PRKCE: variants seen among roughly 807,000 people sequenced by gnomAD.
PRKCE encodes the protein protein kinase C epsilon.
A neutral mutation model predicts 85.4 loss-of-function variants in PRKCE; 16 were observed. The observed-to-expected ratio is 0.19, with a 90% CI of 0.13 to 0.28. The LOEUF (loss-of-function observed/expected upper bound fraction) is 0.28, where lower values mean the gene tolerates loss of function less well. Ranked by LOEUF, PRKCE falls within the 10% of genes least tolerant of loss-of-function variation. The pLI is 1.00. For missense variants in PRKCE, 573 were observed against 975.2 expected, an observed-to-expected ratio of 0.59 and a Z score of 5.49; for synonymous variants, 388 against 371.5, an observed-to-expected ratio of 1.04 and a Z score of -0.51.
Position 46,111,735 on chromosome 2 carries a change from A to G in PRKCE, c.1592+25373A>G, listed in dbSNP as rs144663527. Among the ~76,000 whole-genome samples the G allele has an allele frequency of 3.6e-3, 554 of 152,306 alleles. 6 individuals are homozygous for G. The highest frequency in any genetic ancestry group is 0.017 in the Middle Eastern group (5 of 294). On this transcript the variant is annotated intron_variant, in intron 11 of 14. Transcript: ENST00000306156. Reference sequence around the variant, plus strand: ...CATTTTGTTTATTCACTCTCAGTTGATGGACACTTAGGTTGTTTCCACCTG... The same window carrying G: ...CATTTTGTTTATTCACTCTCAGTTGGTGGACACTTAGGTTGTTTCCACCTG...
At chr2:45,815,505 C>G (rs1304641423) in intron 1 of PRKCE, among the ~76,000 whole-genome samples, 1 of 152,160 alleles carries the variant, frequency 6.6e-6, no homozygotes, top group Non-Finnish European at 1.5e-5. Flanking sequence ...TCCCTAGGTG[C>G]TTTGTCTTTT....
intron 10 of PRKCE, among the ~76,000 whole-genome samples, chr2:46,057,623 G>C (rs536931041): frequency 9.2e-5 from 14 of 152,082 alleles, no homozygotes; most frequent in African/African-American, 3.4e-4. Flanking sequence ...TAGTAGACAC[G>C]GGGTTTCGCC....
chr2:46,001,471 A>G lies in PRKCE; in HGVS notation c.891A>G (p.Arg297=). ...CTCCCAACTGTGGAGTGGATGCCAG[A>G]GGAATCGCCAAAGTACTGGCCGACC... ...NVAPNCGVDA[R]GIAKVLADLG... Residue 297 remains arginine (R), a synonymous_variant, in exon 7 of 15, where the codon AGA becomes AGG. Transcript: ENST00000306156. This position sits in a 1 kb window ranked among gnomAD's most constrained non-coding sequence, Gnocchi z 4.4. 1 of 1,599,568 alleles carries G rather than the reference A, an allele frequency of 6.3e-7. No homozygotes were observed. The highest frequency in any genetic ancestry group is 1.3e-5 in the African/African-American group (1 of 75,006).
chr2:46,036,273 C>T (rs1191310130), intron 10 of PRKCE, among the ~76,000 whole-genome samples: 1 of 152,042 alleles, frequency 6.6e-6, no homozygotes, highest in Non-Finnish European at 1.5e-5. Flanking sequence ...CCTGACCATT[C>T]TAGAAAAGAA....
chr2:45,721,143 G>A (rs1400375842), intron 1 of PRKCE, among the ~76,000 whole-genome samples: 1 of 152,048 alleles, frequency 6.6e-6, no homozygotes, highest in Non-Finnish European at 1.5e-5. Context: ...TGAGCTAGGT[G>A]CTGTCGGAAG....
At chr2:45,853,186 G>A (rs1039553616) in intron 2 of PRKCE, among the ~76,000 whole-genome samples, 3 of 152,166 alleles carry the variant, frequency 2.0e-5, no homozygotes, top group African/African-American at 7.2e-5. Flanking sequence ...TATGGGGAAA[G>A]GAGTTGAGAA....
chr2:45,694,259 A>G (rs1209998040), intron 1 of PRKCE, among the ~76,000 whole-genome samples: 3 of 151,604 alleles, frequency 2.0e-5, no homozygotes, highest in African/African-American at 7.3e-5. Context: ...TAGGAGCCTG[A>G]GCTGGAAATA....
At chr2:45,732,814 A>C (rs1017498545) in intron 1 of PRKCE, among the ~76,000 whole-genome samples, 10 of 152,328 alleles carry the variant, frequency 6.6e-5, no homozygotes, top group African/African-American at 2.4e-4. Flanking sequence ...ACAACAAAAA[A>C]CCGACATGAG....
chr2:46,003,075 G>A (rs1375253392), intron 7 of PRKCE, among the ~76,000 whole-genome samples: 1 of 152,162 alleles, frequency 6.6e-6, no homozygotes, highest in Non-Finnish European at 1.5e-5. Context: ...GAAGGCTGAG[G>A]GACTGTAGTC....
chr2:46,069,108 A>C (rs989939067), intron 10 of PRKCE, among the ~76,000 whole-genome samples: 2 of 152,244 alleles, frequency 1.3e-5, no homozygotes, highest in African/African-American at 2.4e-5. Context: ...ATGACAATGG[A>C]GATGCTTTGA....
chr2:46,004,171 CT>C lies in PRKCE; in HGVS notation c.967-367del. 1 of 297,768 alleles carries C rather than the reference CT, an allele frequency of 3.4e-6. No individual in the cohort carries two copies. Among genetic ancestry groups the C allele is most frequent in the South Asian group, 3.2e-5 (1 of 30,834 alleles). 18.4% of individuals were successfully genotyped at this position (297,768 alleles called of 1,614,324 possible). On this transcript the variant is annotated intron_variant, in intron 7 of 14. Transcript: ENST00000306156. The surrounding 1 kb of genome is among the most constrained non-coding windows in gnomAD (Gnocchi z 4.1). ...TATTTCTTCCTGTAAACCTGGACTA[CT>C]TTTCCAGCTTGCTAACCTTTATGGT...
intron 11 of PRKCE, among the ~76,000 whole-genome samples, chr2:46,096,301 C>A (rs1670675320): frequency 6.6e-6 from 1 of 152,166 alleles, no homozygotes; most frequent in Admixed American, 6.5e-5. Flanking sequence ...GTGCTGAGTG[C>A]AATCTTTGAC....
At chr2:45,703,160 T>C (rs6746467) in intron 1 of PRKCE, among the ~76,000 whole-genome samples, 8,025 of 152,072 alleles carry the variant, frequency 0.053, 329 homozygotes, top group East Asian at 0.12. Context: ...GCTGTTGTTA[T>C]GTCACTCCTA....
Position 45,659,195 on chromosome 2 carries a change from A to G in PRKCE, c.348+6747A>G, listed in dbSNP as rs73926026. On this transcript the variant is annotated intron_variant, in intron 1 of 14. Coordinates refer to ENST00000306156, the MANE Select transcript of PRKCE (RefSeq NM_005400.3). ...TCCATATGCCTAATATTGTATACCT[A>G]TTTTCCCCTCTCCTCAATCTAAGCC... is the stretch of plus-strand genomic sequence containing the variant. Among the ~76,000 whole-genome samples the G allele has an allele frequency of 1.0e-2, 1,515 of 152,026 alleles. 22 individuals carry two copies. Among genetic ancestry groups the G allele is most frequent in the African/African-American group, 0.035 (1,432 of 41,452 alleles).
chr2:45,688,522 T>C (rs1677479334), intron 1 of PRKCE, among the ~76,000 whole-genome samples: 1 of 152,212 alleles, frequency 6.6e-6, no homozygotes, highest in Admixed American at 6.5e-5. Flanking sequence ...CTGGCTAGAA[T>C]TTAGCAAAAT....
chr2:46,174,983 G>T (rs374422554), intron 14 of PRKCE, among the ~76,000 whole-genome samples: 14 of 151,954 alleles, frequency 9.2e-5, no homozygotes, highest in African/African-American at 3.1e-4. Flanking sequence ...GAACCACCAC[G>T]CCCAGCCGAG....
At chr2:45,837,903 C>T (rs895011838) in intron 1 of PRKCE, among the ~76,000 whole-genome samples, 37 of 152,092 alleles carry the variant, frequency 2.4e-4, no homozygotes, top group African/African-American at 7.2e-4. Flanking sequence ...AAACTCGCTA[C>T]CTTACAGATT....
intron 11 of PRKCE, among the ~76,000 whole-genome samples, chr2:46,123,342 G>A (rs1185862659): frequency 6.7e-6 from 1 of 149,074 alleles, no homozygotes; most frequent in Non-Finnish European, 1.5e-5. Context: ...GGCAGTAGCT[G>A]ACAAGTAGTG....
chr2:46,148,090 C>T (rs1010314077), intron 12 of PRKCE, among the ~76,000 whole-genome samples: 1 of 152,200 alleles, frequency 6.6e-6, no homozygotes, highest in African/African-American at 2.4e-5. Flanking sequence ...GAGGTCTGCC[C>T]CAAGGCTTAT....
Sources: gnomAD v4.1 joint callset for allele counts (sites outside exome capture counted in the v4.1 genomes callset) on GRCh38, gnomAD v4.1.1 for gene constraint, Gnocchi (gnomAD v3.1) non-coding constraint, MANE v1.5 for transcripts, NCBI Gene and HGNC (gene_info 2026-07-23, HGNC 2026-07-21) for gene names.